The following SOAT1 variants were observed in gnomAD, a reference collection of about 807,000 sequenced individuals.
SOAT1 encodes the protein sterol O-acyltransferase 1.
In SOAT1, 55 loss-of-function variants were observed where a neutral mutation model predicts 69.5. That is an observed-to-expected ratio of 0.79 (90% CI 0.64 to 0.99). The LOEUF is 0.99. Among genes scored for constraint, SOAT1 ranks in the 50% least tolerant of loss-of-function variants. SOAT1 has a pLI of 0.00. For missense variants in SOAT1, 580 were observed against 669.3 expected (o/e 0.87, Z 1.47); for synonymous variants, 231 against 224.7 (o/e 1.03, Z -0.25).
At chr1:179,324,560 A>G (rs1046603295) in intron 3 of SOAT1, among the ~76,000 whole-genome samples, 1 of 152,212 alleles carries the variant, frequency 6.6e-6, no homozygotes, top group African/African-American at 2.4e-5. Flanking sequence ...AATTGTGGGT[A>G]TAGACTCCTA....
chr1:179,301,694 T>C (rs1410485678), intron 1 of SOAT1, among the ~76,000 whole-genome samples: 1 of 152,252 alleles, frequency 6.6e-6, no homozygotes, highest in African/African-American at 2.4e-5. Flanking sequence ...AGAATTGTTA[T>C]GAAGATTAAA....
At chr1:179,315,283 A>G (rs1665350943) in intron 2 of SOAT1, among the ~76,000 whole-genome samples, 1 of 152,070 alleles carries the variant, frequency 6.6e-6, no homozygotes, top group Non-Finnish European at 1.5e-5. Context: ...TGCCTTTACA[A>G]AAAAATTTTT....
At chr1:179,297,621 C>T (rs1209846239) in intron 1 of SOAT1, among the ~76,000 whole-genome samples, 4 of 150,524 alleles carry the variant, frequency 2.7e-5, no homozygotes, top group South Asian at 2.1e-4. Flanking sequence ...AGGCGTGAGC[C>T]GGTGCGCTTG....
intron 14 of SOAT1, among the ~76,000 whole-genome samples, chr1:179,351,021 CTTTTTTTTTTTTTTTTTTT>C (rs201449849): frequency 3.9e-5 from 5 of 127,594 alleles, no homozygotes; most frequent in South Asian, 5.0e-4. Flanking sequence ...ATATTTCTTT[CTTTTTTTTTTTTTTTTTTT>C]TTTTTTTTTT....
intron 2 of SOAT1, among the ~76,000 whole-genome samples, chr1:179,322,921 C>T (rs1665652478): frequency 6.6e-6 from 1 of 152,248 alleles, no homozygotes; most frequent in African/African-American, 2.4e-5. Context: ...GTATTGTCCT[C>T]TGTGTACTAT....
At chr1:179,330,009 G>T (rs1157857561) in intron 3 of SOAT1, among the ~76,000 whole-genome samples, 2 of 152,106 alleles carry the variant, frequency 1.3e-5, no homozygotes, top group African/African-American at 2.4e-5. Flanking sequence ...ATTTGTAATT[G>T]CCCGTTGGGT....
intron 13 of SOAT1, 143 bp downstream of exon 13, chr1:179,349,085 A>T: frequency 1.6e-6 from 1 of 609,276 alleles, no homozygotes; most frequent in East Asian, 2.8e-5. Context: ...TCTTTTGAGA[A>T]ATTTACATCT....
At chr1:179,349,539 C>T (rs1666653116) in intron 13 of SOAT1, among the ~76,000 whole-genome samples, 1 of 152,042 alleles carries the variant, frequency 6.6e-6, no homozygotes, top group African/African-American at 2.4e-5. Context: ...GTTGGTCAGG[C>T]TCATCTTGAA....
chr1:179,344,037 C>G (rs934386359), intron 10 of SOAT1, among the ~76,000 whole-genome samples: 2 of 151,992 alleles, frequency 1.3e-5, no homozygotes, highest in African/African-American at 4.8e-5. Context: ...AGGAGAATTG[C>G]TTGAACCTGG....
chr1:179,323,601 A>G, intron 3 of SOAT1, 106 bp downstream of exon 3: 2 of 896,222 alleles, frequency 2.2e-6, no homozygotes, highest in South Asian at 1.5e-5. Flanking sequence ...TAAGCCATTC[A>G]TCAGTTGCTG....
chr1:179,295,847 C>T (rs1420262044), intron 1 of SOAT1, among the ~76,000 whole-genome samples: 1 of 140,592 alleles, frequency 7.1e-6, no homozygotes, highest in Non-Finnish European at 1.5e-5. Flanking sequence ...CGCTTGTTGC[C>T]CAGGCTGGAA....
chr1:179,334,663 T>C (rs1666083428), intron 3 of SOAT1, among the ~76,000 whole-genome samples: 1 of 152,148 alleles, frequency 6.6e-6, no homozygotes, highest in Non-Finnish European at 1.5e-5. Flanking sequence ...TAAGTGACAT[T>C]CTGTACCGTC....
In SOAT1 at chr1:179,343,573, G is replaced by A. The variant is rs183829294; in HGVS notation, c.942-17G>A. 5,003 of 1,600,794 alleles carry A rather than the reference G, an allele frequency of 3.1e-3. 12 individuals carry two copies. The highest frequency in any genetic ancestry group is 6.3e-3 in the Middle Eastern group (37 of 5,830). ...TACTTTATTTAGAAACCTTATTTTT[G>A]TTTCTTTCTTTTTCAGGAATCCCAC... On this transcript the variant is annotated splice_polypyrimidine_tract_variant and intron_variant, in intron 9 of 15. Transcript: ENST00000367619.
rs536966498 is a variant in SOAT1 at position 179,302,490 on chromosome 1, G to A, written c.-8-187G>A. 2.6e-5 allele frequency among the ~76,000 whole-genome samples: 4 copies of A among 152,224 alleles called. No individual in the cohort carries two copies. The South Asian group carries it at 6.2e-4, about 24-fold the overall frequency. On this transcript the variant is annotated intron_variant, in intron 1 of 15. Coordinates refer to ENST00000367619, the MANE Select transcript of SOAT1 (RefSeq NM_003101.6). ...ACTTCCTTGCTCTGTCTCTCCTGCC[G>A]CCACGTAAGACATGCCTTGCCTCCC...
At chr1:179,294,681 G>A (rs1206475845) in intron 1 of SOAT1, among the ~76,000 whole-genome samples, 3 of 152,090 alleles carry the variant, frequency 2.0e-5, no homozygotes, top group African/African-American at 7.2e-5. Flanking sequence ...ACAGGCGTGC[G>A]CCACCACGCC....
intron 15 of SOAT1, among the ~76,000 whole-genome samples, chr1:179,352,987 C>A (rs1000878487): frequency 6.6e-6 from 1 of 150,486 alleles, no homozygotes. Context: ...TTTCCTATTT[C>A]TGAACTTTTG....
intron 2 of SOAT1, among the ~76,000 whole-genome samples, chr1:179,313,552 GTA>G (rs71569240): frequency 2.0e-5 from 3 of 150,030 alleles, no homozygotes; most frequent in East Asian, 3.9e-4. Flanking sequence ...GTATATATGT[GTA>G]TATATATATG....
intron 2 of SOAT1, among the ~76,000 whole-genome samples, chr1:179,310,168 G>T (rs1290053513): frequency 6.6e-6 from 1 of 151,742 alleles, no homozygotes; most frequent in Non-Finnish European, 1.5e-5. Context: ...CCAAAGTGCT[G>T]GGATTACAGG....
intron 11 of SOAT1, among the ~76,000 whole-genome samples, chr1:179,345,568 C>CTT (rs77132970): frequency 7.5e-4 from 108 of 144,636 alleles, no homozygotes; most frequent in African/African-American, 2.5e-3. Flanking sequence ...GTTTTCTTGC[C>CTT]TTTTTTTTTT....
Sources: gnomAD v4.1 joint callset for allele counts (sites outside exome capture counted in the v4.1 genomes callset) on GRCh38, gnomAD v4.1.1 for gene constraint, MANE v1.5 for transcripts, NCBI Gene and HGNC (gene_info 2026-07-23, HGNC 2026-07-21) for gene names.